The following KL variants were observed in gnomAD, a reference collection of about 807,000 sequenced individuals.
KL encodes alpha-klotho.
In KL, 62 loss-of-function variants were observed where a neutral mutation model predicts 84.2. The observed-to-expected ratio is 0.74, with a 90% confidence interval of 0.60 to 0.91. The LOEUF (loss-of-function observed/expected upper bound fraction) is 0.91, where lower values mean the gene tolerates loss of function less well. KL is among the 40% of genes least tolerant of loss of function. The pLI is 0.00. For missense variants in KL, 1,261 were observed against 1,305.7 expected, an observed-to-expected ratio of 0.97 and a Z score of 0.53; for synonymous variants, 528 against 528.0, an observed-to-expected ratio of 1.00 and a Z score of 0.00.
intron 3 of KL, among the ~76,000 whole-genome samples, chr13:33,057,051 G>A (rs1871988984): frequency 6.6e-6 from 1 of 152,166 alleles, no homozygotes; most frequent in South Asian, 2.1e-4. Flanking sequence ...AAGAAGGGGA[G>A]GAGAAAGGGA....
chr13:33,049,285 G>A (rs1871655882), intron 1 of KL, among the ~76,000 whole-genome samples: 2 of 152,254 alleles, frequency 1.3e-5, no homozygotes, highest in African/African-American at 4.8e-5. Context: ...TTCTGTCCTA[G>A]ACCCTTTGAT....
At chr13:33,038,362 A>T (rs1871217292) in intron 1 of KL, among the ~76,000 whole-genome samples, 1 of 152,114 alleles carries the variant, frequency 6.6e-6, no homozygotes, top group Non-Finnish European at 1.5e-5. Context: ...TAGACACTCC[A>T]TTGCCCTCCC....
chr13:33,017,356 A>T (rs1870406857), intron 1 of KL, 97 bp downstream of exon 1: 1 of 1,170,930 alleles, frequency 8.5e-7, no homozygotes, highest in Admixed American at 2.6e-5. Flanking sequence ...CCCCCAGACG[A>T]GGCTTCACTT....
At chr13:33,036,465 G>C (rs1329366433) in intron 1 of KL, among the ~76,000 whole-genome samples, 1 of 151,454 alleles carries the variant, frequency 6.6e-6, no homozygotes, top group Non-Finnish European at 1.5e-5. Flanking sequence ...TTATGCTTGG[G>C]TCAGTTTGGC....
chr13:33,022,922 A>G (rs1229108356), intron 1 of KL, among the ~76,000 whole-genome samples: 5 of 152,222 alleles, frequency 3.3e-5, no homozygotes, highest in Non-Finnish European at 7.3e-5. Flanking sequence ...GCTCTCACAC[A>G]ATATCTGGGA....
intron 1 of KL, among the ~76,000 whole-genome samples, chr13:33,050,038 T>A (rs683907): frequency 6.6e-6 from 1 of 152,180 alleles, no homozygotes; most frequent in Middle Eastern, 3.4e-3. Context: ...TACATGTTAA[T>A]TGATATTCTT....
chr13:33,062,566 G>A lies in KL; in HGVS notation c.2701+786G>A, dbSNP rs148224789. Among the ~76,000 whole-genome samples, 1,067 of 150,930 alleles carry A rather than the reference G, an allele frequency of 7.1e-3. 4 individuals carry two copies. The highest frequency in any genetic ancestry group is 0.013 in the South Asian group (61 of 4,718). On this transcript the variant is annotated intron_variant, in intron 4 of 4. Transcript: ENST00000380099. ...TGCACACCTGTAATCTCAGCTACTC[G>A]GGAGGCTGAGGCAGAAGAATCACTT... is the stretch of plus-strand genomic sequence containing the variant.
chr13:33,046,499 T>C (rs1871533722), intron 1 of KL, among the ~76,000 whole-genome samples: 1 of 152,188 alleles, frequency 6.6e-6, no homozygotes, highest in South Asian at 2.1e-4. Context: ...CACTTTCTTT[T>C]ATGATTGCAT....
intron 1 of KL, 28 bp downstream of exon 1, chr13:33,017,287 C>G (rs1451136356): frequency 6.5e-7 from 1 of 1,530,806 alleles, no homozygotes; most frequent in Non-Finnish European, 8.8e-7. Context: ...GGCGGAGGGC[C>G]ACGCAGGGGA....
At chr13:33,036,445 A>G (rs1346101589) in intron 1 of KL, among the ~76,000 whole-genome samples, 2 of 151,660 alleles carry the variant, frequency 1.3e-5, no homozygotes, top group Non-Finnish European at 2.9e-5. Context: ...ACAGACATAC[A>G]CACATGCACT....
intron 1 of KL, among the ~76,000 whole-genome samples, chr13:33,033,919 C>T (rs1019451870): frequency 3.3e-5 from 5 of 151,944 alleles, no homozygotes; most frequent in Non-Finnish European, 5.9e-5. Flanking sequence ...AACACAAACC[C>T]TCTAGTATAA....
intron 1 of KL, among the ~76,000 whole-genome samples, chr13:33,050,928 C>T (rs931636795): frequency 5.9e-5 from 9 of 152,128 alleles, no homozygotes; most frequent in South Asian, 2.1e-4. Context: ...AGGCTCACAC[C>T]GGTCATAGTT....
rs1262952468 is a variant in KL, at chr13:33,046,826, G to A, written c.820-6941G>A. Among the ~76,000 whole-genome samples, 7 of 151,040 alleles carry A rather than the reference G, an allele frequency of 4.6e-5. No individual in the cohort carries two copies. In the South Asian group the frequency reaches 6.2e-4, roughly 13 times the overall value. ...CTTTTGCTGCAATTTATAAGTATTGGTATGTTACATATTCAGTTAGTTTTT... is the reference window on the plus strand; with the variant it reads ...CTTTTGCTGCAATTTATAAGTATTGATATGTTACATATTCAGTTAGTTTTT... On this transcript the variant is annotated intron_variant, in intron 1 of 4. Coordinates refer to ENST00000380099, the MANE Select transcript of KL (RefSeq NM_004795.4).
rs148694027 is a variant in KL at position 33,024,735 on chromosome 13, C to T, written c.819+7476C>T. On this transcript the variant is annotated intron_variant, in intron 1 of 4. Transcript: ENST00000380099. ...GTGGTCCTCTTTCCTCTGCCTTTTC[C>T]TCTCTTCGGTGTCCCAAGTTCTTCC... Among the ~76,000 whole-genome samples the T allele has an allele frequency of 6.0e-3, 915 of 152,314 alleles. 12 individuals carry two copies. The highest frequency in any genetic ancestry group is 0.019 in the African/African-American group (794 of 41,566).
chr13:33,049,024 C>T (rs1871644464), intron 1 of KL, among the ~76,000 whole-genome samples: 1 of 152,030 alleles, frequency 6.6e-6, no homozygotes. Context: ...GTTTCAAAAT[C>T]TAGATGGAAG....
intron 1 of KL, among the ~76,000 whole-genome samples, chr13:33,043,494 A>G (rs1175515511): frequency 6.6e-6 from 1 of 152,194 alleles, no homozygotes. Flanking sequence ...TGCTGGGATT[A>G]TAGGCGTGAG....
rs115045737 is a variant in KL, at chr13:33,031,727, C to T, written c.819+14468C>T. Among the ~76,000 whole-genome samples, 83 of 152,100 alleles carry T rather than the reference C, an allele frequency of 5.5e-4. 1 individual carries two copies. Among genetic ancestry groups the T allele is most frequent in the East Asian group, 3.5e-3 (18 of 5,190 alleles). On this transcript the variant is annotated intron_variant, in intron 1 of 4. Coordinates refer to ENST00000380099, the MANE Select transcript of KL (RefSeq NM_004795.4). ...GTATTTAGAAATATGATAGTTATTACGAGAAGAAAGAGCTAAAAGGTTGCC... is the reference window on the plus strand; with the variant it reads ...GTATTTAGAAATATGATAGTTATTATGAGAAGAAAGAGCTAAAAGGTTGCC...
intron 3 of KL, among the ~76,000 whole-genome samples, chr13:33,058,129 T>C (rs1001557680): frequency 6.6e-6 from 1 of 152,146 alleles, no homozygotes; most frequent in Non-Finnish European, 1.5e-5. Flanking sequence ...TTAATATAAA[T>C]ATTGAACTCA....
At chr13:33,057,196 A>AGTCT (rs1348180458) in intron 3 of KL, among the ~76,000 whole-genome samples, 1 of 151,992 alleles carries the variant, frequency 6.6e-6, no homozygotes, top group East Asian at 1.9e-4. Context: ...TAGCAGCCTG[A>AGTCT]GTCTGGCAGG....
Sources: gnomAD v4.1 joint callset for allele counts (sites outside exome capture counted in the v4.1 genomes callset) on GRCh38, gnomAD v4.1.1 for gene constraint, MANE v1.5 for transcripts, NCBI Gene and HGNC (gene_info 2026-07-23, HGNC 2026-07-21) for gene names.